Variants in PLXNA2 observed in about 807,000 individuals in gnomAD.
PLXNA2 encodes plexin-A2.
A neutral mutation model predicts 193.5 loss-of-function variants in PLXNA2; 91 were observed. The ratio of observed to expected loss-of-function variants is 0.47; its 90% confidence interval spans 0.40 to 0.56. The LOEUF is 0.56. Among genes scored for constraint, PLXNA2 ranks in the 20% least tolerant of loss-of-function variants. PLXNA2 has a pLI of 0.00. For synonymous variants in PLXNA2, 997 were observed against 1,027.3 expected, an observed-to-expected ratio of 0.97 and a Z score of 0.56; for missense variants, 1,995 against 2,503.2, an observed-to-expected ratio of 0.80 and a Z score of 4.33.
chr1:208,072,353 C>T (rs1337700794), intron 12 of PLXNA2, among the ~76,000 whole-genome samples: 1 of 152,216 alleles, frequency 6.6e-6, no homozygotes, highest in African/African-American at 2.4e-5. Context: ...TGCCAGGTGA[C>T]TTCAGGAACA....
intron 9 of PLXNA2, among the ~76,000 whole-genome samples, chr1:208,086,953 C>G (rs1264591191): frequency 2.9e-5 from 1 of 34,788 alleles, no homozygotes; most frequent in African/African-American, 9.7e-5. Flanking sequence ...CTCGCACTCT[C>G]TCTCTCTCTC....
chr1:208,106,030 A>G (rs1291214522), intron 4 of PLXNA2, among the ~76,000 whole-genome samples: 2 of 150,414 alleles, frequency 1.3e-5, no homozygotes, highest in East Asian at 3.9e-4. Flanking sequence ...TGAAACCAAT[A>G]GCACAACTAT....
chr1:208,028,787 CA>C lies in PLXNA2; in HGVS notation c.5438+42del. The C allele has an allele frequency of 6.4e-7, 1 of 1,559,310 alleles. No individual in the cohort carries two copies. Among genetic ancestry groups the C allele is most frequent in the Middle Eastern group, 2.1e-4 (1 of 4,792 alleles). On this transcript the variant is annotated intron_variant, in intron 30 of 31. Coordinates refer to ENST00000367033, the MANE Select transcript of PLXNA2 (RefSeq NM_025179.4). This position sits in a 1 kb window ranked among gnomAD's most constrained non-coding sequence, Gnocchi z 4.2. ...TGATGACTATAGAGCGGGGAATGGG[CA>C]GGGAGACAAGGGCATGGGCCTGTCC...
chr1:208,079,132 A>AC (rs988601158), intron 12 of PLXNA2, 128 bp downstream of exon 12: 68 of 756,550 alleles, frequency 9.0e-5, no homozygotes, highest in East Asian at 1.9e-4. Flanking sequence ...GGTTTCCTAC[A>AC]CCCCCCCACA....
rs778586377 is a variant in PLXNA2 at position 208,044,765 on chromosome 1, C to T, written c.3640-23G>A. ...AACCTGTGCATTGTACACATACAGA[C>T]GCACATGGATGCACACAGGTGTAGA... On this transcript the variant is annotated intron_variant, in intron 19 of 31. Coordinates refer to ENST00000367033, the MANE Select transcript of PLXNA2 (RefSeq NM_025179.4). This position sits in a 1 kb window ranked among gnomAD's most constrained non-coding sequence, Gnocchi z 4.9. 14 of 1,569,426 alleles carry T rather than the reference C, an allele frequency of 8.9e-6. No homozygotes were observed. Among genetic ancestry groups the T allele is most frequent in the South Asian group, 4.5e-5 (4 of 89,018 alleles).
chr1:208,142,400 C>T lies in PLXNA2; in HGVS notation c.1435G>A (p.Gly479Arg), dbSNP rs200454924. 35 of 1,613,936 alleles carry T rather than the reference C, an allele frequency of 2.2e-5. No homozygotes were observed. The highest frequency in any genetic ancestry group is 2.0e-4 in the Admixed American group (12 of 59,980). ...QYEMVSVLKD[G>R]SPILRDMAFS... ...GCCATGTCCCGGAGGATGGGGCTTCCGTCCTTGAGCACAGAGACCATCTCG... is the reference window on the plus strand; with the variant it reads ...GCCATGTCCCGGAGGATGGGGCTTCTGTCCTTGAGCACAGAGACCATCTCG... Residue 479 changes from glycine (G) to arginine (R), a missense_variant, in exon 4 of 32, where the codon GGA becomes AGA. This residue lies in a region of PLXNA2 where 702 missense variants were observed against 812.9 expected (regional missense o/e 0.86). Coordinates refer to ENST00000367033, the MANE Select transcript of PLXNA2 (RefSeq NM_025179.4).
At chr1:208,141,461 C>A (rs1008496050) in intron 4 of PLXNA2, among the ~76,000 whole-genome samples, 1 of 152,188 alleles carries the variant, frequency 6.6e-6, no homozygotes, top group African/African-American at 2.4e-5. Context: ...AAGTCAGTGT[C>A]CTCAGCTGCT....
At chr1:208,202,013 G>C (rs1185337588) in intron 3 of PLXNA2, among the ~76,000 whole-genome samples, 1 of 143,442 alleles carries the variant, frequency 7.0e-6, no homozygotes, top group East Asian at 2.0e-4. Context: ...GAGTCTCTCT[G>C]TGTCCCCCAG....
chr1:208,060,048 G>A (rs955939072), intron 13 of PLXNA2, among the ~76,000 whole-genome samples: 2 of 152,080 alleles, frequency 1.3e-5, no homozygotes, highest in Non-Finnish European at 2.9e-5. Flanking sequence ...CTGCTCCCCC[G>A]CTTTCTCCTT....
intron 1 of PLXNA2, among the ~76,000 whole-genome samples, chr1:208,222,783 A>C (rs902523746): frequency 1.3e-5 from 2 of 152,152 alleles, no homozygotes; most frequent in Non-Finnish European, 2.9e-5. Context: ...GAGCTGGTGG[A>C]AAGAGAATTT....
intron 12 of PLXNA2, among the ~76,000 whole-genome samples, chr1:208,072,141 CT>C (rs1665996762): frequency 6.6e-6 from 1 of 152,186 alleles, no homozygotes; most frequent in African/African-American, 2.4e-5. Flanking sequence ...AATTGATTTT[CT>C]TTCTCAGTTA....
chr1:208,159,913 T>C (rs1669058767), intron 3 of PLXNA2, among the ~76,000 whole-genome samples: 1 of 152,230 alleles, frequency 6.6e-6, no homozygotes, highest in African/African-American at 2.4e-5. Flanking sequence ...TACAGCCTGC[T>C]GGTTGAGGTG....
chr1:208,092,389 G>A (rs1225027242), intron 9 of PLXNA2, among the ~76,000 whole-genome samples: 2 of 152,182 alleles, frequency 1.3e-5, no homozygotes, highest in Non-Finnish European at 2.9e-5. Flanking sequence ...GAATGGTTGC[G>A]AGTGAAAGTT....
intron 4 of PLXNA2, among the ~76,000 whole-genome samples, chr1:208,136,884 C>A (rs746988763): frequency 2.2e-4 from 33 of 152,210 alleles, no homozygotes; most frequent in Non-Finnish European, 3.4e-4. Context: ...ATAATTACCA[C>A]CACCTTTTGA....
intron 3 of PLXNA2, among the ~76,000 whole-genome samples, chr1:208,185,712 AAAAAAAG>A (rs1291585634): frequency 6.6e-5 from 9 of 136,502 alleles, no homozygotes; most frequent in African/African-American, 1.4e-4. Context: ...AAAAAAAAAA[AAAAAAAG>A]GAAAAAAAAA....
intron 14 of PLXNA2, among the ~76,000 whole-genome samples, chr1:208,053,328 C>T (rs528566062): frequency 1.8e-4 from 28 of 152,188 alleles, no homozygotes; most frequent in Non-Finnish European, 3.2e-4. Flanking sequence ...AGCCCCTCTC[C>T]GCTCTGACTT....
intron 12 of PLXNA2, among the ~76,000 whole-genome samples, chr1:208,073,864 C>T (rs996287758): frequency 7.2e-5 from 11 of 152,092 alleles, no homozygotes; most frequent in African/African-American, 9.7e-5. Flanking sequence ...AGCCAAGGAA[C>T]AGCAAAGATT....
Position 208,229,007 on chromosome 1 carries a change from C to T in PLXNA2, c.-80-11005G>A, listed in dbSNP as rs759761205. Among the ~76,000 whole-genome samples the T allele has an allele frequency of 6.1e-4, 93 of 152,204 alleles. 1 individual carries two copies. In the Middle Eastern group the frequency reaches 0.01, roughly 17 times the overall value. ...AGGCACCTGTGGCAGCACAGAAGGG[C>T]GTAGAGGAGGAAAGGGGAAAACCGG... On this transcript the variant is annotated intron_variant, in intron 1 of 31. Transcript: ENST00000367033.
In PLXNA2 at chr1:208,026,343, A is replaced by G. The variant is rs1311319784; in HGVS notation, c.*900T>C. The G allele has an allele frequency of 6.6e-6, 1 of 152,246 alleles. No homozygotes were observed. The highest frequency in any genetic ancestry group is 1.5e-5 in the Non-Finnish European group (1 of 68,052). The allele number at this position is 152,246 out of a possible 1,614,324, so 9.4% of individuals were successfully genotyped here. A position where few individuals can be genotyped will look rare whatever the true frequency, so the allele number is the denominator to read the frequency against. On this transcript the variant is annotated 3_prime_UTR_variant, in exon 32 of 32. Coordinates refer to ENST00000367033, the MANE Select transcript of PLXNA2 (RefSeq NM_025179.4). ...CTTTAGGGAAATTGAAAGGAAACAT[A>G]TCAAAGACCAGCTCCTCATTTGTTG...
Sources: allele counts gnomAD v4.1 joint callset (sites outside exome capture counted in the v4.1 genomes callset), GRCh38; gene constraint gnomAD v4.1.1; regional missense constraint gnomAD v4.1.1; non-coding constraint Gnocchi (gnomAD v3.1); transcripts MANE v1.5; gene names NCBI Gene and HGNC (gene_info 2026-07-23, HGNC 2026-07-21).